The following ITPR2 variants were observed in gnomAD, a reference collection of about 807,000 sequenced individuals.
ITPR2 encodes the protein inositol 1,4,5-trisphosphate receptor type 2, also known as inositol 1,4,5-trisphosphate-gated calcium channel ITPR2.
In ITPR2, 207 loss-of-function variants were observed where a neutral mutation model predicts 317.1. The ratio of observed to expected loss-of-function variants is 0.65; its 90% CI spans 0.58 to 0.73. The LOEUF (loss-of-function observed/expected upper bound fraction) is 0.73, where lower values mean the gene tolerates loss of function less well. Ranked by LOEUF, ITPR2 falls within the 30% of genes least tolerant of loss-of-function variation. The pLI is 0.00. For missense variants in ITPR2, 2,613 were observed against 3,284.0 expected (o/e 0.80, Z 4.99); for synonymous variants, 1,156 against 1,149.1 (o/e 1.01, Z -0.12).
chr12:26,680,771 T>C (rs143510972), intron 13 of ITPR2, among the ~76,000 whole-genome samples: 2 of 152,334 alleles, frequency 1.3e-5, no homozygotes, highest in East Asian at 3.9e-4. Flanking sequence ...CAACTGGTGA[T>C]GGACATTTGG....
intron 55 of ITPR2, among the ~76,000 whole-genome samples, chr12:26,350,677 T>C (rs1938451937): frequency 6.6e-6 from 1 of 152,002 alleles, no homozygotes; most frequent in South Asian, 2.1e-4. Flanking sequence ...GACAACAGCC[T>C]GGACTATGAA....
In ITPR2 at chr12:26,529,505, T is replaced by C. The variant is rs114904216; in HGVS notation, c.5073+20742A>G. 5.5e-3 allele frequency among the ~76,000 whole-genome samples: 845 copies of C among 152,264 alleles called. 9 individuals carry two copies. The highest frequency in any genetic ancestry group is 0.019 in the African/African-American group (802 of 41,554). On this transcript the variant is annotated intron_variant, in intron 37 of 56. Coordinates refer to ENST00000381340, the MANE Select transcript of ITPR2 (RefSeq NM_002223.4). ...AAAGATGCATTCTCTTAACACCCCA[T>C]AGAAAACACAAACCCATTTCTCTTC...
At chr12:26,451,282 C>T (rs1349527094) in intron 45 of ITPR2, among the ~76,000 whole-genome samples, 1 of 151,722 alleles carries the variant, frequency 6.6e-6, no homozygotes, top group Non-Finnish European at 1.5e-5. Flanking sequence ...TGCAAGACAG[C>T]TCTGGAGGAT....
rs74993520 is a variant in ITPR2, at chr12:26,523,246, C to T, written c.5073+27001G>A. On this transcript the variant is annotated intron_variant, in intron 37 of 56. Transcript: ENST00000381340. ...TTTTCGTAAAAAGATAACTAGAAGC[C>T]TCAACCAAATATAGGGTTAATTTCT... Among the ~76,000 whole-genome samples the T allele has an allele frequency of 5.5e-3, 841 of 152,230 alleles. 9 individuals carry two copies. Among genetic ancestry groups the T allele is most frequent in the African/African-American group, 0.019 (799 of 41,548 alleles).
intron 47 of ITPR2, among the ~76,000 whole-genome samples, chr12:26,436,656 C>T (rs1941358095): frequency 6.6e-6 from 1 of 152,176 alleles, no homozygotes; most frequent in Admixed American, 6.5e-5. Flanking sequence ...AATCTATCTG[C>T]AGAGCAGTTT....
intron 48 of ITPR2, among the ~76,000 whole-genome samples, chr12:26,428,713 G>A (rs992281318): frequency 7.9e-5 from 12 of 152,002 alleles, no homozygotes; most frequent in African/African-American, 2.2e-4. Flanking sequence ...CTTAAAAAAC[G>A]AACTCTGTTA....
rs770639290 is a variant in ITPR2 at position 26,481,228 on chromosome 12, G to A, written c.6026C>T (p.Thr2009Ile). Residue 2009 changes from threonine (T) to isoleucine (I), a missense_variant, in exon 43 of 57, where the codon ACA (threonine) becomes ATA (isoleucine). Thr to Ile is a moderately conservative substitution (Grantham distance 89, BLOSUM62 -1). Transcript: ENST00000381340. The stretch of plus-strand genomic sequence containing the variant: ...GATATCAATCCCATTAGACTCATGT[G>A]TAGCGATACAGGTCTAGAAAACAAA... ...PCHENQTCIA[T>I]HESNGIDIII... The A allele has an allele frequency of 4.4e-6, 7 of 1,603,848 alleles. No individual in the cohort carries two copies. The South Asian group carries it at 7.7e-5, about 18-fold the overall frequency.
At chr12:26,465,100 G>A (rs1942136992) in intron 45 of ITPR2, among the ~76,000 whole-genome samples, 1 of 152,184 alleles carries the variant, frequency 6.6e-6, no homozygotes, top group Admixed American at 6.5e-5. Flanking sequence ...TTCAGGGAGT[G>A]AGCGTCGATT....
At chr12:26,629,869 G>C (rs1946709043) in intron 22 of ITPR2, among the ~76,000 whole-genome samples, 1 of 152,142 alleles carries the variant, frequency 6.6e-6, no homozygotes, top group Non-Finnish European at 1.5e-5. Flanking sequence ...CGTTAAACAA[G>C]GCATTGAGGA....
At chr12:26,485,909 T>C (rs1329127452) in intron 41 of ITPR2, among the ~76,000 whole-genome samples, 195 bp downstream of exon 41, 2 of 152,234 alleles carry the variant, frequency 1.3e-5, no homozygotes, top group Non-Finnish European at 2.9e-5. Context: ...TGATTTTTTT[T>C]TCTTGCATAA....
intron 45 of ITPR2, among the ~76,000 whole-genome samples, chr12:26,449,150 T>A (rs1941679927): frequency 6.6e-6 from 1 of 152,166 alleles, no homozygotes; most frequent in Non-Finnish European, 1.5e-5. Context: ...TTTTTTAATG[T>A]GAGTTCCAAT....
chr12:26,768,856 C>T (rs921636453), intron 2 of ITPR2, among the ~76,000 whole-genome samples: 1 of 152,014 alleles, frequency 6.6e-6, no homozygotes, highest in South Asian at 2.1e-4. Context: ...AAGCTTCTGC[C>T]CTTTCAAAAA....
At chr12:26,484,005 G>A in intron 41 of ITPR2, 107 bp from the exon 42 acceptor site, 3 of 960,906 alleles carry the variant, frequency 3.1e-6, no homozygotes, top group Admixed American at 4.9e-5. Flanking sequence ...TGTAAGAAAA[G>A]TATTCGCATT....
At chr12:26,567,960 A>ATATAT (rs1945024965) in intron 34 of ITPR2, among the ~76,000 whole-genome samples, 4 of 9,718 alleles carry the variant, frequency 4.1e-4, no homozygotes, top group African/African-American at 1.0e-3. Context: ...TTATATATAT[A>ATATAT]TATATATATT....
intron 55 of ITPR2, among the ~76,000 whole-genome samples, chr12:26,341,409 G>C (rs754226627): frequency 1.3e-5 from 2 of 152,182 alleles, no homozygotes; most frequent in Non-Finnish European, 2.9e-5. Flanking sequence ...TAGAATGAGA[G>C]TCACTGGAGT....
Position 26,665,922 on chromosome 12 carries a change from G to C in ITPR2, c.1539C>G (p.Asn513Lys), listed in dbSNP as rs777655133. The change falls in exon 14 of 57, where the codon AAC becomes AAG. Residue 513 changes from asparagine (N) to lysine (K), a missense_variant. This residue lies in a region of ITPR2 where 515 missense variants were observed against 789.4 expected (regional missense o/e 0.65). Coordinates refer to ENST00000381340, the MANE Select transcript of ITPR2 (RefSeq NM_002223.4). ...TGAAAAAATTCACCTGTGCCAGTAT[G>C]TTTTGTTCCCTCATCAATTTTTGAC... is the stretch of plus-strand genomic sequence containing the variant. Reference protein sequence around the residue: ...RERQKLMREQNILAQVFGILK... With the variant: ...RERQKLMREQKILAQVFGILK... 8 of 1,611,704 alleles carry C rather than the reference G, an allele frequency of 5.0e-6. No individual in the cohort carries two copies. The highest frequency in any genetic ancestry group is 6.8e-6 in the Non-Finnish European group (8 of 1,179,446).
chr12:26,710,013 C>G (rs938781842), intron 9 of ITPR2, among the ~76,000 whole-genome samples: 1 of 152,168 alleles, frequency 6.6e-6, no homozygotes, highest in Admixed American at 6.5e-5. Flanking sequence ...CCGAGGCAGG[C>G]GCTTGAGTCC....
At chr12:26,544,148 A>T (rs375403535) in intron 37 of ITPR2, among the ~76,000 whole-genome samples, 1 of 152,156 alleles carries the variant, frequency 6.6e-6, no homozygotes, top group African/African-American at 2.4e-5. Context: ...TCCCTAGATG[A>T]TTTCACATAT....
At chr12:26,457,198 T>C (rs896319155) in intron 45 of ITPR2, among the ~76,000 whole-genome samples, 1 of 152,056 alleles carries the variant, frequency 6.6e-6, no homozygotes, top group Non-Finnish European at 1.5e-5. Flanking sequence ...GGGATGGAGG[T>C]TGCCATTTTA....
Sources: allele counts gnomAD v4.1 joint callset (sites outside exome capture counted in the v4.1 genomes callset), GRCh38; gene constraint gnomAD v4.1.1; regional missense constraint gnomAD v4.1.1; transcripts MANE v1.5; gene names NCBI Gene and HGNC (gene_info 2026-07-23, HGNC 2026-07-21).